The following TSC22D1 variants were observed in gnomAD, a reference collection of about 807,000 sequenced individuals.
The protein encoded by TSC22D1 is TSC22 domain family member 1.
A neutral mutation model predicts 74.2 loss-of-function variants in TSC22D1; 9 were observed. The observed-to-expected ratio is 0.12, with a 90% CI of 0.07 to 0.21. The LOEUF is 0.21. TSC22D1 is among the 10% of genes least tolerant of loss of function. TSC22D1 has a pLI of 1.00. For synonymous variants in TSC22D1, 586 were observed against 492.5 expected, an observed-to-expected ratio of 1.19 and a Z score of -2.51; for missense variants, 1,427 against 1,304.7, an observed-to-expected ratio of 1.09 and a Z score of -1.44.
intron 1 of TSC22D1, among the ~76,000 whole-genome samples, chr13:44,568,352 A>T (rs1883517068): frequency 6.6e-6 from 1 of 152,218 alleles, no homozygotes; most frequent in Non-Finnish European, 1.5e-5. Flanking sequence ...ATATTGGAAC[A>T]TCCTAAGAGG....
chr13:44,530,197 T>G (rs774569627), intron 1 of TSC22D1, among the ~76,000 whole-genome samples: 3 of 152,122 alleles, frequency 2.0e-5, no homozygotes, highest in Admixed American at 6.5e-5. Context: ...AGTATGATAT[T>G]GGCAAAGAAA....
chr13:44,562,559 C>T (rs952348570), intron 1 of TSC22D1, among the ~76,000 whole-genome samples: 29 of 152,016 alleles, frequency 1.9e-4, no homozygotes, highest in African/African-American at 7.0e-4. Flanking sequence ...ACACCACTTC[C>T]TTTTTGGTAG....
At chr13:44,455,658 A>C (rs1440186220) in intron 1 of TSC22D1, among the ~76,000 whole-genome samples, 1 of 152,212 alleles carries the variant, frequency 6.6e-6, no homozygotes, top group African/African-American at 2.4e-5. Context: ...CTAGATATGC[A>C]ATGATAGCTC....
At chr13:44,447,125 C>T (rs540881295) in intron 1 of TSC22D1, among the ~76,000 whole-genome samples, 2 of 151,518 alleles carry the variant, frequency 1.3e-5, no homozygotes, top group Non-Finnish European at 2.9e-5. Flanking sequence ...TCTATGAATT[C>T]GGCTACTTTA....
chr13:44,471,086 CTT>C (rs1245097909), intron 1 of TSC22D1, among the ~76,000 whole-genome samples: 1 of 152,120 alleles, frequency 6.6e-6, no homozygotes, highest in Non-Finnish European at 1.5e-5. Flanking sequence ...ATCTGGAAAA[CTT>C]AGATTTTAGA....
intron 1 of TSC22D1, among the ~76,000 whole-genome samples, chr13:44,503,470 C>T (rs1299105397): frequency 6.6e-6 from 1 of 152,124 alleles, no homozygotes; most frequent in African/African-American, 2.4e-5. Flanking sequence ...GATTTCCACC[C>T]AAACTACAGG....
In TSC22D1 at chr13:44,567,706, A is replaced by T. The variant is rs555315304; in HGVS notation, c.2912+5457T>A. On this transcript the variant is annotated intron_variant, in intron 1 of 2. Transcript: ENST00000458659. ...AAAAGTAGTTGAGAAAACACAAGAAAATTAGAAGACCAGTCAAGAAGGTCC... is the reference window on the plus strand; with the variant it reads ...AAAAGTAGTTGAGAAAACACAAGAATATTAGAAGACCAGTCAAGAAGGTCC... 2.6e-5 allele frequency among the ~76,000 whole-genome samples: 4 copies of T among 152,136 alleles called. No homozygotes were observed. In the South Asian group the frequency reaches 8.3e-4, roughly 32 times the overall value.
At chr13:44,445,214 G>GAT (rs1555263692) in intron 1 of TSC22D1, among the ~76,000 whole-genome samples, 1 of 103,964 alleles carries the variant, frequency 9.6e-6, no homozygotes, top group Non-Finnish European at 1.9e-5. Context: ...AGAGGTCAAA[G>GAT]ATACACACAC....
chr13:44,434,805 C>T lies in TSC22D1; in HGVS notation c.3043G>A (p.Glu1015Lys). Residue 1015 changes from glutamate (E) to lysine (K), a missense_variant, in exon 3 of 3, where the codon GAG becomes AAG. Glu to Lys is a moderately conservative substitution (Grantham distance 56). Around this residue, in one of 3 missense-constraint regions of TSC22D1, gnomAD observed 21 missense variants for 62.7 expected, o/e 0.34. Transcript: ENST00000458659. ...TCCTGCTCCAGCTGGGAATTTTTCT[C>T]TATTAGTTCTTTGATTTGCTCTTTG... is the stretch of plus-strand genomic sequence containing the variant. ...VLKEQIKELIEKNSQLEQENN... is the reference protein window; with the variant it reads ...VLKEQIKELIKKNSQLEQENN... The T allele has an allele frequency of 1.2e-6, 2 of 1,614,080 alleles. No homozygotes were observed. Among genetic ancestry groups the T allele is most frequent in the Non-Finnish European group, 1.7e-6 (2 of 1,180,032 alleles).
At chr13:44,493,386 C>G (rs951739940) in intron 1 of TSC22D1, among the ~76,000 whole-genome samples, 28 of 152,194 alleles carry the variant, frequency 1.8e-4, no homozygotes, top group Middle Eastern at 3.2e-3. Flanking sequence ...GCCTTACTTT[C>G]ACCTAACTCA....
intron 1 of TSC22D1, among the ~76,000 whole-genome samples, chr13:44,530,158 A>G (rs1880753321): frequency 6.6e-6 from 1 of 152,136 alleles, no homozygotes; most frequent in Non-Finnish European, 1.5e-5. Flanking sequence ...AGACTTCAAG[A>G]CTTAGTAAAA....
At chr13:44,571,182 T>C (rs1376297474) in intron 1 of TSC22D1, among the ~76,000 whole-genome samples, 1 of 152,216 alleles carries the variant, frequency 6.6e-6, no homozygotes, top group Admixed American at 6.5e-5. Context: ...TAATTATAAT[T>C]GAATGTGTAC....
At chr13:44,464,480 T>C (rs1877159424) in intron 1 of TSC22D1, among the ~76,000 whole-genome samples, 2 of 152,156 alleles carry the variant, frequency 1.3e-5, no homozygotes, top group African/African-American at 2.4e-5. Flanking sequence ...GGATTACAGA[T>C]AGTGACATAG....
intron 1 of TSC22D1, among the ~76,000 whole-genome samples, chr13:44,564,864 AAAAGAT>A (rs1448021731): frequency 6.6e-6 from 1 of 152,194 alleles, no homozygotes; most frequent in Non-Finnish European, 1.5e-5. Flanking sequence ...GGATGGAAAA[AAAAGAT>A]GAAGATATAT....
intron 1 of TSC22D1, among the ~76,000 whole-genome samples, chr13:44,499,394 A>G (rs1879121797): frequency 6.6e-6 from 1 of 152,200 alleles, no homozygotes; most frequent in African/African-American, 2.4e-5. Flanking sequence ...AGATAAATTA[A>G]TATTTTAAAA....
At chr13:44,523,364 T>C (rs1880403816) in intron 1 of TSC22D1, among the ~76,000 whole-genome samples, 1 of 152,232 alleles carries the variant, frequency 6.6e-6, no homozygotes. Flanking sequence ...GGCAGCTTTA[T>C]TCAGAACTGC....
chr13:44,549,831 C>T (rs79655671), intron 1 of TSC22D1, among the ~76,000 whole-genome samples: 2,403 of 149,496 alleles, frequency 0.016, 56 homozygotes, highest in African/African-American at 0.055. Context: ...AAGCAAGCAA[C>T]CAAGCTAGCT....
intron 1 of TSC22D1, among the ~76,000 whole-genome samples, chr13:44,531,918 A>G (rs1414875887): frequency 6.6e-6 from 1 of 152,200 alleles, no homozygotes; most frequent in Non-Finnish European, 1.5e-5. Flanking sequence ...GCTATTTGAT[A>G]TATGTCCTAC....
At chr13:44,448,892 CGTGT>C (rs4053650) in intron 1 of TSC22D1, among the ~76,000 whole-genome samples, 1,559 of 150,178 alleles carry the variant, frequency 0.01, 10 homozygotes, top group African/African-American at 0.019. Context: ...ATTCTAGATC[CGTGT>C]GTGTGTGTGT....
Sources: allele counts gnomAD v4.1 joint callset (sites outside exome capture counted in the v4.1 genomes callset), GRCh38; gene constraint gnomAD v4.1.1; regional missense constraint gnomAD v4.1.1; transcripts MANE v1.5; gene names NCBI Gene and HGNC (gene_info 2026-07-23, HGNC 2026-07-21).